Variants in KIAA1549L observed in about 807,000 individuals in gnomAD.
The protein encoded by KIAA1549L is KIAA1549 like.
In KIAA1549L, 88 loss-of-function variants were observed where a neutral mutation model predicts 160.7. The ratio of observed to expected loss-of-function variants is 0.55; its 90% CI spans 0.46 to 0.65. KIAA1549L has a LOEUF of 0.65. Ranked by LOEUF, KIAA1549L falls within the 30% of genes least tolerant of loss-of-function variation. The pLI is 0.00. For synonymous variants in KIAA1549L, 950 were observed against 976.7 expected (o/e 0.97, Z 0.51); for missense variants, 2,258 against 2,437.5 (o/e 0.93, Z 1.55).
rs953535970 is a variant in KIAA1549L, at chr11:33,441,517, C to G, written c.238+64628C>G. ...CCACACGACTTCCACAATGGTTGAA[C>G]TAGTTTACAGTCCCACCAACAGTGT... On this transcript the variant is annotated intron_variant, in intron 1 of 20. Transcript: ENST00000658780. 3.8e-3 allele frequency among the ~76,000 whole-genome samples: 571 copies of G among 151,652 alleles called. 6 individuals are homozygous for G. Among genetic ancestry groups the G allele is most frequent in the African/African-American group, 0.013 (533 of 41,304 alleles).
At chr11:33,515,498 C>T (rs948623864) in intron 1 of KIAA1549L, among the ~76,000 whole-genome samples, 4 of 152,314 alleles carry the variant, frequency 2.6e-5, no homozygotes, top group East Asian at 1.9e-4. Flanking sequence ...CAGCAGTCTG[C>T]GCAGCTGGGG....
intron 15 of KIAA1549L, among the ~76,000 whole-genome samples, chr11:33,614,533 TATATATATATA>T (rs1564924561): frequency 8.0e-4 from 2 of 2,490 alleles, no homozygotes; most frequent in East Asian, 0.012. Context: ...TGTAACAAGA[TATATATATATA>T]TATATATATA....
At chr11:33,457,411 A>C (rs2132988177) in intron 1 of KIAA1549L, among the ~76,000 whole-genome samples, 2 of 152,250 alleles carry the variant, frequency 1.3e-5, no homozygotes, top group African/African-American at 4.8e-5. Flanking sequence ...GACCACAGCA[A>C]ATGTGGCCTT....
chr11:33,553,475 C>T lies in KIAA1549L; in HGVS notation c.3855+1234C>T, dbSNP rs186214356. Among the ~76,000 whole-genome samples, 250 of 152,256 alleles carry T rather than the reference C, an allele frequency of 1.6e-3. 1 individual carries two copies. Among genetic ancestry groups the T allele is most frequent in the African/African-American group, 5.6e-3 (231 of 41,538 alleles). Reference sequence around the variant, plus strand: ...CAGTGGTTTTAAAATGGACATTTAGCGTAAGTGAATTATCAGCAAAGCCAA... The same window carrying T: ...CAGTGGTTTTAAAATGGACATTTAGTGTAAGTGAATTATCAGCAAAGCCAA... On this transcript the variant is annotated intron_variant, in intron 6 of 20. Transcript: ENST00000658780.
rs1487581566 is a variant in KIAA1549L, at chr11:33,671,333, AG to A, written c.*3183del. Reference sequence around the variant, plus strand: ...GGCAGCAGAGTCCATGCTCTGCATCAGGGGAGGTGCAGTAAAGGTCCATTGT... The same window carrying A: ...GGCAGCAGAGTCCATGCTCTGCATCAGGGAGGTGCAGTAAAGGTCCATTGT... On this transcript the variant is annotated 3_prime_UTR_variant, in exon 21 of 21. Coordinates refer to ENST00000658780, the MANE Select transcript of KIAA1549L (RefSeq NM_012194.3). The A allele has an allele frequency of 1.3e-5, 2 of 152,166 alleles. No individual in the cohort carries two copies. The highest frequency in any genetic ancestry group is 2.9e-5 in the Non-Finnish European group (2 of 68,014). The allele number at this position is 152,166 out of a possible 1,614,324, so 9.4% of individuals were successfully genotyped here. A position where few individuals can be genotyped will look rare whatever the true frequency, so the allele number is the denominator to read the frequency against.
In KIAA1549L at chr11:33,669,151, C is replaced by A. The variant is rs1306325887; in HGVS notation, c.*997C>A. On this transcript the variant is annotated 3_prime_UTR_variant, in exon 21 of 21. Transcript: ENST00000658780. ...GAAACAGGAGTGGTAGAACCACAGT[C>A]TTCCCAGGCCGCAGCCTCTGTTTAT... 6.6e-6 allele frequency: 1 copy of A among 152,180 alleles called. No individual in the cohort carries two copies. The highest frequency in any genetic ancestry group is 2.4e-5 in the African/African-American group (1 of 41,428). The allele number at this position is 152,180 out of a possible 1,614,324, so 9.4% of individuals were successfully genotyped here.
At chr11:33,609,677 C>T in intron 14 of KIAA1549L, 72 bp from the exon 15 acceptor site, 1 of 1,234,630 alleles carries the variant, frequency 8.1e-7, no homozygotes, top group Admixed American at 2.0e-5. Flanking sequence ...AAGTGATAAC[C>T]TCCTGGTGAA....
At chr11:33,397,917 C>CTT (rs67993981) in intron 1 of KIAA1549L, among the ~76,000 whole-genome samples, 20 of 115,460 alleles carry the variant, frequency 1.7e-4, no homozygotes, top group African/African-American at 3.5e-4. Context: ...GGTGGTTGGC[C>CTT]TTTTTTTTTT....
chr11:33,387,427 T>G (rs1850195318), intron 1 of KIAA1549L, among the ~76,000 whole-genome samples: 1 of 152,142 alleles, frequency 6.6e-6, no homozygotes, highest in African/African-American at 2.4e-5. Flanking sequence ...TGCCTCAGCC[T>G]CCCAAGTAGC....
intron 1 of KIAA1549L, among the ~76,000 whole-genome samples, chr11:33,496,972 C>G (rs1006990215): frequency 1.3e-5 from 2 of 152,110 alleles, no homozygotes; most frequent in East Asian, 3.9e-4. Flanking sequence ...CCCCACAAAC[C>G]CTTGCAACTG....
intron 1 of KIAA1549L, among the ~76,000 whole-genome samples, chr11:33,522,296 G>A (rs191471073): frequency 1.3e-5 from 2 of 152,172 alleles, no homozygotes; most frequent in Non-Finnish European, 2.9e-5. Context: ...TCTTGAAATA[G>A]TGATATCATA....
chr11:33,539,770 G>A (rs1173188831), intron 1 of KIAA1549L, among the ~76,000 whole-genome samples: 1 of 152,168 alleles, frequency 6.6e-6, no homozygotes, highest in Non-Finnish European at 1.5e-5. Context: ...CTCATTGGCT[G>A]GAACTAGTTA....
intron 1 of KIAA1549L, among the ~76,000 whole-genome samples, chr11:33,434,491 T>C (rs1851316507): frequency 6.6e-6 from 1 of 152,034 alleles, no homozygotes; most frequent in African/African-American, 2.4e-5. Flanking sequence ...AGGAGTGGGG[T>C]TCTAAACCAT....
rs540809858 is a variant in KIAA1549L, at chr11:33,558,921, C to T, written c.3856-828C>T. ...CAATCTCGGCTGACTGCAGCCTCTG[C>T]CTACTGGGTTCAAGCGATTCTCCTG... On this transcript the variant is annotated intron_variant, in intron 6 of 20. Transcript: ENST00000658780. 5.3e-5 allele frequency among the ~76,000 whole-genome samples: 8 copies of T among 151,680 alleles called. No individual in the cohort carries two copies. The East Asian group carries it at 1.4e-3, about 26-fold the overall frequency.
chr11:33,385,503 G>A (rs1335674173), intron 1 of KIAA1549L, among the ~76,000 whole-genome samples: 2 of 152,074 alleles, frequency 1.3e-5, no homozygotes, highest in Non-Finnish European at 2.9e-5. Context: ...ATTGCTAAAT[G>A]TCCCCCTAGG....
At chr11:33,431,780 C>T (rs577242287) in intron 1 of KIAA1549L, among the ~76,000 whole-genome samples, 7 of 152,338 alleles carry the variant, frequency 4.6e-5, no homozygotes, top group South Asian at 2.1e-4. Flanking sequence ...TGGGACTGGG[C>T]GCCGTGGAGC....
chr11:33,461,173 A>C lies in KIAA1549L; in HGVS notation c.239-80629A>C, dbSNP rs1198734020. ...ACTTCTTTTTTTTTCTTTGTAACAA[A>C]AAAAAATATTTTTATAGACCACCCT... is the stretch of plus-strand genomic sequence containing the variant. On this transcript the variant is annotated intron_variant, in intron 1 of 20. Transcript: ENST00000658780. 4.0e-5 allele frequency among the ~76,000 whole-genome samples: 6 copies of C among 151,402 alleles called. No homozygotes were observed. In the East Asian group the frequency reaches 1.2e-3, roughly 29 times the overall value.
At chr11:33,646,659 A>G (rs1348463659) in intron 17 of KIAA1549L, among the ~76,000 whole-genome samples, 1 of 152,228 alleles carries the variant, frequency 6.6e-6, no homozygotes. Context: ...GGCCATTGCA[A>G]CCTTACACAC....
At chr11:33,477,214 T>C (rs552173620) in intron 1 of KIAA1549L, among the ~76,000 whole-genome samples, 99 of 152,112 alleles carry the variant, frequency 6.5e-4, no homozygotes, top group Non-Finnish European at 1.2e-3. Context: ...GGAGCCTTCT[T>C]GGTGTGGCCT....
Sources: gnomAD v4.1 joint callset for allele counts (sites outside exome capture counted in the v4.1 genomes callset) on GRCh38, gnomAD v4.1.1 for gene constraint, MANE v1.5 for transcripts, NCBI Gene and HGNC (gene_info 2026-07-23, HGNC 2026-07-21) for gene names.